ELMOD2: variants seen among roughly 807,000 people sequenced by gnomAD.
ELMOD2 encodes ELMO domain-containing protein 2.
In ELMOD2, 28 loss-of-function variants were observed where a neutral mutation model predicts 41.0. That is an observed-to-expected ratio of 0.68 (90% confidence interval 0.51 to 0.94). ELMOD2 has a LOEUF of 0.94. Ranked by LOEUF, ELMOD2 falls within the 40% of genes least tolerant of loss-of-function variation. The pLI is 0.00. For synonymous variants in ELMOD2, 106 were observed against 107.2 expected, an observed-to-expected ratio of 0.99 and a Z score of 0.07; for missense variants, 333 against 343.1, an observed-to-expected ratio of 0.97 and a Z score of 0.23.
At chr4:140,541,560 G>A (rs1421592494) in intron 6 of ELMOD2, among the ~76,000 whole-genome samples, 1 of 152,048 alleles carries the variant, frequency 6.6e-6, no homozygotes, top group Non-Finnish European at 1.5e-5. Flanking sequence ...TAGAGACTTA[G>A]GAAAGCATTG....
In ELMOD2 at chr4:140,549,747, A is replaced by T. The variant is rs1356821389; in HGVS notation, c.737-483A>T. ...CTCAACCAAGCTGGAATGCAGTGGT[A>T]CAATCACGGCTCACTGAAGCCCTGA... On this transcript the variant is annotated intron_variant, in intron 8 of 8. Transcript: ENST00000323570. Among the ~76,000 whole-genome samples the T allele has an allele frequency of 4.3e-5, 6 of 139,670 alleles. No homozygotes were observed. In the East Asian group the frequency reaches 1.2e-3, roughly 29 times the overall value. The allele number at this position is 139,670 out of a possible 152,430, so 91.6% of individuals were successfully genotyped here. A position where few individuals can be genotyped will look rare whatever the true frequency, so the allele number is the denominator to read the frequency against.
intron 5 of ELMOD2, among the ~76,000 whole-genome samples, chr4:140,539,610 G>T (rs12508278): frequency 0.44 from 67,426 of 151,882 alleles, 16,921 homozygotes; most frequent in African/African-American, 0.69. Context: ...CCTCCCAAAG[G>T]GCTGGGATTA....
At chr4:140,535,477 CTCA>C (rs1332275571) in intron 3 of ELMOD2, 5 of 333,904 alleles carry the variant, frequency 1.5e-5, no homozygotes, top group African/African-American at 1.1e-4. Flanking sequence ...TTGCTGAGAA[CTCA>C]TCAGCTGAGA....
chr4:140,526,425 G>A (rs529539320), intron 2 of ELMOD2, among the ~76,000 whole-genome samples: 2 of 152,334 alleles, frequency 1.3e-5, no homozygotes, highest in East Asian at 3.9e-4. Flanking sequence ...TAAGAACTGT[G>A]TTTTGAAGTC....
chr4:140,542,814 A>G (rs1735152000), intron 7 of ELMOD2, among the ~76,000 whole-genome samples, 172 bp downstream of exon 7: 1 of 151,982 alleles, frequency 6.6e-6, no homozygotes, highest in African/African-American at 2.4e-5. Context: ...ATTGTAAACC[A>G]ATTTTGTATG....
At position 140,552,083 on chromosome 4, in the gene ELMOD2, C is replaced by T. The variant is rs981782804; in HGVS notation, c.*1708C>T. ...TTTATTGTCCAGCTATACAATATGT[C>T]GCAAAATCCTGACAAGTTCATTGTA... On this transcript the variant is annotated 3_prime_UTR_variant, in exon 9 of 9. Coordinates refer to ENST00000323570, the MANE Select transcript of ELMOD2 (RefSeq NM_153702.4). 2.0e-5 allele frequency: 3 copies of T among 151,840 alleles called. No individual in the cohort carries two copies. Among genetic ancestry groups the T allele is most frequent in the Non-Finnish European group, 4.4e-5 (3 of 67,894 alleles). The allele number at this position is 151,840 out of a possible 1,614,324, so 9.4% of individuals were successfully genotyped here.
chr4:140,532,172 T>G (rs531558960), intron 3 of ELMOD2, among the ~76,000 whole-genome samples: 10 of 151,776 alleles, frequency 6.6e-5, no homozygotes, highest in African/African-American at 2.4e-4. Flanking sequence ...AGTTGTTTTT[T>G]TTTTTTTTTT....
chr4:140,526,526 T>A (rs984125495), intron 2 of ELMOD2: 8 of 152,246 alleles, frequency 5.3e-5, no homozygotes, highest in Non-Finnish European at 1.0e-4. Context: ...AGCCAGATTT[T>A]TTTTTTGTGT....
chr4:140,544,720 A>G (rs1735216989), intron 8 of ELMOD2, among the ~76,000 whole-genome samples: 1 of 152,124 alleles, frequency 6.6e-6, no homozygotes. Flanking sequence ...CAAATATATT[A>G]TGCTCTCTCT....
intron 5 of ELMOD2, among the ~76,000 whole-genome samples, chr4:140,539,730 A>G (rs1380501988): frequency 1.3e-5 from 2 of 152,224 alleles, no homozygotes; most frequent in African/African-American, 4.8e-5. Flanking sequence ...TTGTAAAACA[A>G]GTTGGAATGC....
chr4:140,527,745 A>T, intron 3 of ELMOD2: 2 of 402,532 alleles, frequency 5.0e-6, no homozygotes, highest in South Asian at 8.7e-5. Context: ...TTAAGAGTTG[A>T]TAGCTTTTAG....
intron 3 of ELMOD2, among the ~76,000 whole-genome samples, chr4:140,534,431 G>A (rs1463148841): frequency 6.6e-6 from 1 of 152,130 alleles, no homozygotes; most frequent in Non-Finnish European, 1.5e-5. Flanking sequence ...AACTTTCTGG[G>A]ATGATAGAAA....
Position 140,540,151 on chromosome 4 carries a change from G to A in ELMOD2, c.400-17G>A. 1 of 1,608,170 alleles carries A rather than the reference G, an allele frequency of 6.2e-7. No individual in the cohort carries two copies. The highest frequency in any genetic ancestry group is 8.5e-7 in the Non-Finnish European group (1 of 1,177,548). Reference sequence around the variant, plus strand: ...TGAGAAAGAAAATGTCTTAATAATGGAAATATATTTGTACAGCTTTGGAAT... The same window carrying A: ...TGAGAAAGAAAATGTCTTAATAATGAAAATATATTTGTACAGCTTTGGAAT... On this transcript the variant is annotated splice_polypyrimidine_tract_variant and intron_variant, in intron 5 of 8. Transcript: ENST00000323570.
At chr4:140,531,971 C>T (rs1039493346) in intron 3 of ELMOD2, among the ~76,000 whole-genome samples, 1 of 152,030 alleles carries the variant, frequency 6.6e-6, no homozygotes, top group African/African-American at 2.4e-5. Flanking sequence ...TACATTAACT[C>T]CTAGGAAATA....
Position 140,537,552 on chromosome 4 carries a change from G to C in ELMOD2, c.399+11G>C. ...GAGCTACTCATGAAGGTAAATTTCT[G>C]TTTTCTTTATGTGGAGTTGTTGAAC... On this transcript the variant is annotated intron_variant, in intron 5 of 8. Transcript: ENST00000323570. 1 of 1,596,096 alleles carries C rather than the reference G, an allele frequency of 6.3e-7. No homozygotes were observed. Among genetic ancestry groups the C allele is most frequent in the African/African-American group, 1.4e-5 (1 of 73,722 alleles).
intron 8 of ELMOD2, among the ~76,000 whole-genome samples, chr4:140,544,832 T>A (rs981615067): frequency 2.0e-5 from 3 of 152,178 alleles, no homozygotes; most frequent in Non-Finnish European, 4.4e-5. Context: ...AATCTCAGTT[T>A]AGACGTGCTC....
intron 8 of ELMOD2, among the ~76,000 whole-genome samples, chr4:140,547,802 A>G (rs922866205): frequency 1.3e-5 from 2 of 152,180 alleles, no homozygotes; most frequent in Admixed American, 6.5e-5. Flanking sequence ...TTTCAGGTTT[A>G]GACATTTCAT....
chr4:140,543,654 T>G lies in ELMOD2; in HGVS notation c.736+68T>G. The G allele has an allele frequency of 2.5e-6, 3 of 1,197,652 alleles. No homozygotes were observed. The South Asian group carries it at 5.8e-5, about 23-fold the overall frequency. The allele number at this position is 1,197,652 out of a possible 1,614,324, so 74.2% of individuals were successfully genotyped here. A position where few individuals can be genotyped will look rare whatever the true frequency, so the allele number is the denominator to read the frequency against. ...TTCTTAAACCACTAGGAATGTATAA[T>G]ATATATTTTAATCTGTTGTCTCTGT... On this transcript the variant is annotated intron_variant, in intron 8 of 8. Transcript: ENST00000323570.
chr4:140,527,429 A>C, intron 2 of ELMOD2, 37 bp from the exon 3 acceptor site: 1 of 1,503,396 alleles, frequency 6.7e-7, no homozygotes, highest in Non-Finnish European at 9.1e-7. Context: ...AACAGCATTT[A>C]AGTGATAACA....
Sources: gnomAD v4.1 joint callset for allele counts (sites outside exome capture counted in the v4.1 genomes callset) on GRCh38, gnomAD v4.1.1 for gene constraint, MANE v1.5 for transcripts, NCBI Gene and HGNC (gene_info 2026-07-23, HGNC 2026-07-21) for gene names.